CTTN: variants seen among roughly 807,000 people sequenced by gnomAD.
CTTN encodes cortactin.
Under a neutral mutation model 84.0 loss-of-function variants are expected in CTTN, and 28 were observed. The observed-to-expected ratio is 0.33, with a 90% CI of 0.25 to 0.46. CTTN has a LOEUF of 0.46. CTTN is among the 20% of genes least tolerant of loss of function. CTTN has a pLI of 1.00. For synonymous variants in CTTN, 301 were observed against 288.8 expected (o/e 1.04, Z -0.43); for missense variants, 641 against 723.8 (o/e 0.89, Z 1.31).
Position 70,417,409 on chromosome 11 carries a change from C to T in CTTN, c.568+286C>T, listed in dbSNP as rs181510554. 3.1e-3 allele frequency among the ~76,000 whole-genome samples: 472 copies of T among 152,036 alleles called. 2 individuals carry two copies. The highest frequency in any genetic ancestry group is 3.7e-3 in the Non-Finnish European group (254 of 68,008). On this transcript the variant is annotated intron_variant, in intron 8 of 17. Coordinates refer to ENST00000301843, the MANE Select transcript of CTTN (RefSeq NM_005231.4). ...AGAGATGAGGTCTTGCCGTGTTGCCCGGACTGGTCTTGATCTCCGTGGTCT... is the reference window on the plus strand; with the variant it reads ...AGAGATGAGGTCTTGCCGTGTTGCCTGGACTGGTCTTGATCTCCGTGGTCT...
In CTTN at chr11:70,435,536, G is replaced by A; in HGVS notation, c.*374G>A. 1 of 1,566,582 alleles carries A rather than the reference G, an allele frequency of 6.4e-7. No homozygotes were observed. The highest frequency in any genetic ancestry group is 8.6e-7 in the Non-Finnish European group (1 of 1,163,818). On this transcript the variant is annotated 3_prime_UTR_variant, in exon 18 of 18. Transcript: ENST00000301843. Reference sequence around the variant, plus strand: ...CATCAAGTGCAGTCGGGACCTCCCAGGACAAGCACGAGGCCTCAGGTCGGC... The same window carrying A: ...CATCAAGTGCAGTCGGGACCTCCCAAGACAAGCACGAGGCCTCAGGTCGGC...
At chr11:70,432,360 G>A (rs569705815) in intron 15 of CTTN, among the ~76,000 whole-genome samples, 2 of 152,156 alleles carry the variant, frequency 1.3e-5, no homozygotes, top group African/African-American at 2.4e-5. Context: ...CTCCCTGCCC[G>A]ATTACTCTCC....
At chr11:70,403,652 C>G (rs2058012108) in intron 1 of CTTN, among the ~76,000 whole-genome samples, 1 of 152,096 alleles carries the variant, frequency 6.6e-6, no homozygotes, top group Non-Finnish European at 1.5e-5. Context: ...TTCAAAGTCA[C>G]AAAAATTTAC....
chr11:70,424,748 G>C (rs2058281972), intron 12 of CTTN, among the ~76,000 whole-genome samples: 1 of 152,074 alleles, frequency 6.6e-6, no homozygotes, highest in Non-Finnish European at 1.5e-5. Context: ...GCAGAAAGGG[G>C]CCATGGTATG....
At chr11:70,413,157 C>T (rs1053683484) in intron 5 of CTTN, among the ~76,000 whole-genome samples, 2 of 152,224 alleles carry the variant, frequency 1.3e-5, no homozygotes, top group Non-Finnish European at 2.9e-5. Flanking sequence ...CCTGCTTTTT[C>T]AATAGGGGAA....
intron 4 of CTTN, 128 bp downstream of exon 4, chr11:70,407,719 C>A: frequency 1.4e-6 from 1 of 719,508 alleles, no homozygotes; most frequent in South Asian, 1.7e-5. Context: ...TGACCTGATA[C>A]CCATGCAGTA....
rs191372101 is a variant in CTTN, at chr11:70,411,799, C to A, written c.291+1839C>A. ...CACTTCCCTCTCTCCTGTGCGGTCT[C>A]CACAGCAGCCTCTGCTTCCCTCATG... On this transcript the variant is annotated intron_variant, in intron 5 of 17. Coordinates refer to ENST00000301843, the MANE Select transcript of CTTN (RefSeq NM_005231.4). Among the ~76,000 whole-genome samples, 1,489 of 152,326 alleles carry A rather than the reference C, an allele frequency of 9.8e-3. 35 individuals carry two copies. The highest frequency in any genetic ancestry group is 0.034 in the African/African-American group (1,424 of 41,574).
chr11:70,434,206 C>T (rs535294038), intron 17 of CTTN, among the ~76,000 whole-genome samples: 370 of 152,368 alleles, frequency 2.4e-3, no homozygotes, highest in South Asian at 6.6e-3. Context: ...TGGCCTCAGC[C>T]GCCCGCCCCG....
chr11:70,435,253 G>GTTT lies in CTTN; in HGVS notation c.*114_*116dup, dbSNP rs370623790. The GTTT allele has an allele frequency of 0.011, 10,128 of 928,528 alleles. 2 individuals are homozygous for GTTT. Among genetic ancestry groups the GTTT allele is most frequent in the South Asian group, 0.024 (899 of 36,852 alleles). The allele number at this position is 928,528 out of a possible 1,614,324, so 57.5% of individuals were successfully genotyped here. ...TCTTGGGTGGTTTTGGGTTTTTTCTGTTTTTTTTTTTTTTTTTTTTTTTTT... is the reference window on the plus strand; with the variant it reads ...TCTTGGGTGGTTTTGGGTTTTTTCTGTTTTTTTTTTTTTTTTTTTTTTTTTTTT... On this transcript the variant is annotated 3_prime_UTR_variant, in exon 18 of 18. Coordinates refer to ENST00000301843, the MANE Select transcript of CTTN (RefSeq NM_005231.4).
At position 70,422,260 on chromosome 11, in the gene CTTN, C is replaced by A. The variant is rs1048124302; in HGVS notation, c.901+680C>A. ...GAACCTGAACACATAATTGGAAAAA[C>A]AGTAATTCCCTAACCTTGCAGGGAA... On this transcript the variant is annotated intron_variant, in intron 11 of 17. Transcript: ENST00000301843. The A allele has an allele frequency of 1.6e-4, 54 of 347,248 alleles. 2 individuals are homozygous for A. In the Admixed American group the frequency reaches 1.8e-3, roughly 12 times the overall value. 21.5% of individuals were successfully genotyped at this position (347,248 alleles called of 1,614,324 possible). A position where few individuals can be genotyped will look rare whatever the true frequency, so the allele number is the denominator to read the frequency against.
At chr11:70,423,894 A>G (rs1323638360) in intron 12 of CTTN, among the ~76,000 whole-genome samples, 2 of 152,092 alleles carry the variant, frequency 1.3e-5, no homozygotes, top group Admixed American at 6.5e-5. Context: ...CTCAGCGTGG[A>G]GTCTGGGTTG....
intron 5 of CTTN, among the ~76,000 whole-genome samples, chr11:70,414,001 A>G (rs1385352193): frequency 6.6e-6 from 1 of 152,104 alleles, no homozygotes; most frequent in Non-Finnish European, 1.5e-5. Flanking sequence ...ACCTGTGTCC[A>G]GGGTTCGTGT....
chr11:70,405,295 C>T lies in CTTN; in HGVS notation c.-67C>T, dbSNP rs886656472. ...ATCAGTCCCCAATGCCTGGAAATTC[C>T]TCATTGGATTACTGTGTTTTAAACA... On this transcript the variant is annotated 5_prime_UTR_variant, in exon 2 of 18. Coordinates refer to ENST00000301843, the MANE Select transcript of CTTN (RefSeq NM_005231.4). 3 of 152,174 alleles carry T rather than the reference C, an allele frequency of 2.0e-5. No homozygotes were observed. Among genetic ancestry groups the T allele is most frequent in the East Asian group, 1.9e-4 (1 of 5,194 alleles). The allele number at this position is 152,174 out of a possible 1,614,324, so 9.4% of individuals were successfully genotyped here.
At position 70,433,247 on chromosome 11, in the gene CTTN, A is replaced by C. The variant is rs2058375647; in HGVS notation, c.1413A>C (p.Glu471Asp). ...GLAYATEAVYESAEAPGHYPA... is the reference protein window; with the variant it reads ...GLAYATEAVYDSAEAPGHYPA... Reference sequence around the variant, plus strand: ...CCTATGCCACAGAGGCTGTCTATGAAAGCGCAGAGGCCCCGGGCCACTATC... The same window carrying C: ...CCTATGCCACAGAGGCTGTCTATGACAGCGCAGAGGCCCCGGGCCACTATC... Residue 471 changes from glutamate to aspartate, a missense_variant, in exon 16 of 18, where the codon GAA becomes GAC. By Grantham distance (45) the Glu-to-Asp change is conservative. Transcript: ENST00000301843. 1 of 1,612,588 alleles carries C rather than the reference A, an allele frequency of 6.2e-7. No homozygotes were observed. The highest frequency in any genetic ancestry group is 8.5e-7 in the Non-Finnish European group (1 of 1,179,834).
chr11:70,435,957 G>T lies in CTTN; in HGVS notation c.*795G>T. The stretch of plus-strand genomic sequence containing the variant: ...GCAGTTGAGGTCTGCGTCGGGCTTG[G>T]CTTTTCACAAAGGCTGATGTCTTAA... On this transcript the variant is annotated 3_prime_UTR_variant, in exon 18 of 18. Transcript: ENST00000301843. The T allele has an allele frequency of 7.0e-6, 10 of 1,433,752 alleles. No homozygotes were observed. The highest frequency in any genetic ancestry group is 9.1e-6 in the Non-Finnish European group (10 of 1,101,364). 88.8% of individuals were successfully genotyped at this position (1,433,752 alleles called of 1,614,324 possible).
chr11:70,415,677 TG>T lies in CTTN; in HGVS notation c.418del (p.Glu140AsnfsTer30). On this transcript the variant is annotated frameshift_variant, in exon 7 of 18. Coordinates refer to ENST00000301843, the MANE Select transcript of CTTN (RefSeq NM_005231.4). LOFTEE classifies it high-confidence loss of function. ...DRVDQSAVGF[E>X]YQGKTEKHAS... ...GGTCGTCACAGTCTGCTGTAGGCTT[TG>T]AATACCAGGGGAAGACTGAGAAGCA... is the stretch of plus-strand genomic sequence containing the variant. The T allele has an allele frequency of 6.2e-7, 1 of 1,614,148 alleles. No individual in the cohort carries two copies. The highest frequency in any genetic ancestry group is 8.5e-7 in the Non-Finnish European group (1 of 1,179,984).
rs1452283742 is a variant in CTTN at position 70,435,103 on chromosome 11, G to A, written c.1594G>A (p.Gly532Arg). The change falls in exon 18 of 18, where the codon GGG (glycine) becomes AGG (arginine). Residue 532 changes from glycine (G) to arginine (R), a missense_variant. Physicochemically the swap from Gly to Arg is moderately radical, Grantham distance 125. This residue lies in a region of CTTN where 68 missense variants were observed against 102.2 expected (regional missense o/e 0.67). Transcript: ENST00000301843. ...GATGATTGACGACGGCTGGTGGCGC[G>A]GGGTGTGCAAGGGCCGGTACGGGCT... ...IEMIDDGWWR[G>R]VCKGRYGLFP... 3.1e-6 allele frequency: 5 copies of A among 1,613,798 alleles called. No individual in the cohort carries two copies. The highest frequency in any genetic ancestry group is 1.7e-5 in the Admixed American group (1 of 60,008).
In CTTN at chr11:70,422,921, G is replaced by C; in HGVS notation, c.902-19G>C. The C allele has an allele frequency of 1.2e-6, 2 of 1,614,152 alleles. No homozygotes were observed. Among genetic ancestry groups the C allele is most frequent in the Non-Finnish European group, 1.7e-6 (2 of 1,180,010 alleles). ...TCGCCTCCACCTCAGAGTAAGTGTT[G>C]TGTTTTGCCACGTTTCAGACTACTC... On this transcript the variant is annotated intron_variant, in intron 11 of 17. Transcript: ENST00000301843.
At chr11:70,411,588 G>C (rs1295248291) in intron 5 of CTTN, among the ~76,000 whole-genome samples, 2 of 152,240 alleles carry the variant, frequency 1.3e-5, no homozygotes, top group Admixed American at 6.5e-5. Context: ...GGGGCTCCCT[G>C]CTGTGGGTTG....
Sources: gnomAD v4.1 joint callset for allele counts (sites outside exome capture counted in the v4.1 genomes callset) on GRCh38, gnomAD v4.1.1 for gene constraint, gnomAD v4.1.1 regional missense constraint, MANE v1.5 for transcripts, NCBI Gene and HGNC (gene_info 2026-07-23, HGNC 2026-07-21) for gene names.